The following ABL2 variants were observed in gnomAD, a reference collection of about 807,000 sequenced individuals.
ABL2 encodes tyrosine-protein kinase ABL2.
ABL2 carries 49 observed loss-of-function variants against 107.7 expected under a neutral mutation model. The observed-to-expected ratio is 0.45, with a 90% CI of 0.36 to 0.58. The LOEUF (loss-of-function observed/expected upper bound fraction) is 0.58, where lower values mean the gene tolerates loss of function less well. Among genes scored for constraint, ABL2 ranks in the 20% least tolerant of loss-of-function variants. The pLI, the probability that ABL2 is intolerant of heterozygous loss-of-function variation, is 0.00. For missense variants in ABL2, 1,245 were observed against 1,457.0 expected (o/e 0.85, Z 2.37); for synonymous variants, 549 against 548.6 (o/e 1.00, Z -0.01).
Position 179,128,439 on chromosome 1 carries a change from T to G in ABL2, c.392-1767A>C, listed in dbSNP as rs115096409. Among the ~76,000 whole-genome samples the G allele has an allele frequency of 5.4e-3, 828 of 152,226 alleles. 8 individuals carry two copies. The highest frequency in any genetic ancestry group is 0.019 in the African/African-American group (780 of 41,540). ...ATGAGCTAAAAATAAAGAATATTAG[T>G]ACTTTGTATATATATCTATATATAC... On this transcript the variant is annotated intron_variant, in intron 3 of 11. Transcript: ENST00000502732.
rs1659839587 is a variant in ABL2 at position 179,173,339 on chromosome 1, TA to T, written c.158-39966del. ...ATTAGAATAACATAGCCACAAACAT[TA>T]AAGTTAGAAAGGCTGTAATTTTTTT... On this transcript the variant is annotated intron_variant, in intron 1 of 11. Coordinates refer to ENST00000502732, the MANE Select transcript of ABL2 (RefSeq NM_007314.4). Among the ~76,000 whole-genome samples the T allele has an allele frequency of 2.0e-5, 3 of 150,640 alleles. No individual in the cohort carries two copies. In the South Asian group the frequency reaches 6.3e-4, roughly 32 times the overall value.
intron 1 of ABL2, among the ~76,000 whole-genome samples, chr1:179,189,567 T>C (rs1216708257): frequency 1.3e-5 from 2 of 152,180 alleles, no homozygotes; most frequent in African/African-American, 2.4e-5. Context: ...TAGGAAGTCG[T>C]TATGTACATT....
chr1:179,118,569 GAGGTA>G lies in ABL2; in HGVS notation c.1223+13_1223+17del. 1 of 1,602,598 alleles carries G rather than the reference GAGGTA, an allele frequency of 6.2e-7. No homozygotes were observed. Among genetic ancestry groups the G allele is most frequent in the Non-Finnish European group, 8.5e-7 (1 of 1,171,760 alleles). On this transcript the variant is annotated intron_variant, in intron 7 of 11. Transcript: ENST00000502732. Reference sequence around the variant, plus strand: ...AGCAAGATGGCTTCATGGTTGGTCAGAGGTAAGTTTTACACACCTATGGATGAAAT... The same window carrying G: ...AGCAAGATGGCTTCATGGTTGGTCAGAGTTTTACACACCTATGGATGAAAT...
chr1:179,223,786 T>A (rs1209492359), intron 1 of ABL2, among the ~76,000 whole-genome samples: 1 of 152,072 alleles, frequency 6.6e-6, no homozygotes, highest in Non-Finnish European at 1.5e-5. Context: ...TTCCATAGCA[T>A]CGTTTTCAAC....
chr1:179,117,197 G>T (rs971282084), intron 8 of ABL2, 135 bp downstream of exon 8: 2 of 923,306 alleles, frequency 2.2e-6, no homozygotes, highest in African/African-American at 1.7e-5. Flanking sequence ...TTTAACAAAT[G>T]CTTGCTGAAT....
chr1:179,138,720 TG>T (rs1657276776), intron 1 of ABL2, among the ~76,000 whole-genome samples: 1 of 152,214 alleles, frequency 6.6e-6, no homozygotes, highest in South Asian at 2.1e-4. Flanking sequence ...CTCCTCTGCC[TG>T]GGCTCCCACT....
intron 1 of ABL2, among the ~76,000 whole-genome samples, chr1:179,225,707 A>G (rs1436566997): frequency 1.3e-5 from 2 of 152,154 alleles, no homozygotes; most frequent in Non-Finnish European, 2.9e-5. Context: ...CCCAAAACAC[A>G]GAATTAGCCA....
intron 1 of ABL2, among the ~76,000 whole-genome samples, chr1:179,180,989 A>C (rs1660345386): frequency 6.6e-6 from 1 of 152,224 alleles, no homozygotes; most frequent in Non-Finnish European, 1.5e-5. Context: ...ACAACATCCA[A>C]TAACCAACTA....
At chr1:179,117,306 C>A (rs967004728) in intron 8 of ABL2, 26 bp downstream of exon 8, 5 of 1,604,018 alleles carry the variant, frequency 3.1e-6, no homozygotes, top group South Asian at 2.3e-5. Flanking sequence ...TAAAATGACA[C>A]AGAAAAAAGT....
chr1:179,229,646 GCCGCCGCCA>G lies in ABL2; in HGVS notation c.-258_-250del, dbSNP rs1248715990. 6.6e-3 allele frequency: 3,291 copies of G among 495,820 alleles called. 98 individuals are homozygous for G. Among genetic ancestry groups the G allele is most frequent in the Admixed American group, 0.053 (1,236 of 23,480 alleles). The allele number at this position is 495,820 out of a possible 1,614,324, so 30.7% of individuals were successfully genotyped here. A position where few individuals can be genotyped will look rare whatever the true frequency, so the allele number is the denominator to read the frequency against. ...CCGCGCCCCCAACGCCGCCGCCGCC[GCCGCCGCCA>G]CCGCCGCCGCCATCTTTAAACCACC... On this transcript the variant is annotated 5_prime_UTR_variant, in exon 1 of 12. Coordinates refer to ENST00000502732, the MANE Select transcript of ABL2 (RefSeq NM_007314.4).
chr1:179,143,077 T>C (rs780654894), intron 1 of ABL2: 27 of 1,610,838 alleles, frequency 1.7e-5, no homozygotes, highest in Admixed American at 5.1e-5. Flanking sequence ...GTTAAACTGT[T>C]CTGTGTAAAG....
chr1:179,200,343 G>A (rs12133855), intron 1 of ABL2, among the ~76,000 whole-genome samples: 13,993 of 152,190 alleles, frequency 0.092, 678 homozygotes, highest in African/African-American at 0.11. Flanking sequence ...CACCGCGCCT[G>A]GCCCACAATG....
chr1:179,126,690 A>G lies in ABL2; in HGVS notation c.392-18T>C, dbSNP rs373019231. On this transcript the variant is annotated intron_variant, in intron 3 of 11. Transcript: ENST00000502732. This position sits in a 1 kb window ranked among gnomAD's most constrained non-coding sequence, Gnocchi z 4.4. Reference sequence around the variant, plus strand: ...CTTTTCACCTAGCCATAAGGTCATCACAGGATGAAAGAAACGATGTTAAGA... The same window carrying G: ...CTTTTCACCTAGCCATAAGGTCATCGCAGGATGAAAGAAACGATGTTAAGA... 6.3e-6 allele frequency: 10 copies of G among 1,596,266 alleles called. No homozygotes were observed. The African/African-American group carries it at 1.2e-4, about 19-fold the overall frequency.
chr1:179,203,758 T>C (rs1661802836), intron 1 of ABL2, among the ~76,000 whole-genome samples: 1 of 152,188 alleles, frequency 6.6e-6, no homozygotes, highest in Non-Finnish European at 1.5e-5. Flanking sequence ...TCAAATTACG[T>C]GCCAGTATCA....
chr1:179,120,366 A>C, intron 5 of ABL2, 92 bp from the exon 6 acceptor site: 1 of 646,336 alleles, frequency 1.5e-6, no homozygotes, highest in South Asian at 2.7e-5. Flanking sequence ...ATAAAGCTTC[A>C]GCTTTAAAAG....
intron 1 of ABL2, among the ~76,000 whole-genome samples, chr1:179,171,768 C>T (rs1049242934): frequency 6.6e-6 from 1 of 152,234 alleles, no homozygotes; most frequent in Non-Finnish European, 1.5e-5. Flanking sequence ...CCACCTTGGC[C>T]TCCCAGTGCT....
intron 1 of ABL2, among the ~76,000 whole-genome samples, chr1:179,225,389 T>C (rs1356599973): frequency 6.6e-6 from 1 of 152,178 alleles, no homozygotes; most frequent in Non-Finnish European, 1.5e-5. Flanking sequence ...TGCTAATACC[T>C]CAATATGGCA....
intron 1 of ABL2, among the ~76,000 whole-genome samples, chr1:179,186,570 G>A (rs938759213): frequency 9.2e-5 from 14 of 151,662 alleles, no homozygotes; most frequent in Admixed American, 3.9e-4. Context: ...TAGTAGAGAC[G>A]GGGTTTCACC....
chr1:179,118,715 T>C lies in ABL2; in HGVS notation c.1095A>G (p.Pro365=), dbSNP rs534823922. 37 of 1,614,176 alleles carry C rather than the reference T, an allele frequency of 2.3e-5. No individual in the cohort carries two copies. The South Asian group carries it at 3.4e-4, about 15-fold the overall frequency. Residue 365 remains proline (P), a synonymous_variant, in exon 7 of 12, where the codon CCA becomes CCG. Transcript: ENST00000502732. ...GGAGGTAATCCAGCAAATTCCCGTA[T>C]GGCATGTATTCAGTCACAATGTAAA... The part of the protein sequence containing the change: ...PPFYIVTEYM[P]YGNLLDYLRE...
Sources: allele counts gnomAD v4.1 joint callset (sites outside exome capture counted in the v4.1 genomes callset), GRCh38; gene constraint gnomAD v4.1.1; non-coding constraint Gnocchi (gnomAD v3.1); transcripts MANE v1.5; gene names NCBI Gene and HGNC (gene_info 2026-07-23, HGNC 2026-07-21).